Variants in DMD observed in about 807,000 individuals in gnomAD.
DMD encodes the protein mutant dystrophin.
DMD carries 63 observed loss-of-function variants against 330.1 expected under a neutral mutation model. That is an observed-to-expected ratio of 0.19 (90% confidence interval 0.16 to 0.24). The LOEUF is 0.24. Ranked by LOEUF, DMD falls within the 10% of genes least tolerant of loss-of-function variation. The pLI is 1.00. For missense variants in DMD, 3,344 were observed against 2,684.1 expected (o/e 1.25, Z -5.43); for synonymous variants, 1,223 against 959.8 (o/e 1.27, Z -5.07).
chrX:32,615,500 T>G (rs1203476131), intron 11 of DMD, among the ~76,000 whole-genome samples: 1 of 111,885 alleles, frequency 8.9e-6, no homozygotes, highest in Non-Finnish European at 1.9e-5. Context: ...AAATGAGAAG[T>G]GCTGATGGTT....
chrX:32,129,207 A>G (rs754769233), intron 44 of DMD, among the ~76,000 whole-genome samples: 1 of 112,108 alleles, frequency 8.9e-6, no homozygotes, highest in Non-Finnish European at 1.9e-5. Flanking sequence ...TGCAAATAAA[A>G]GTATATATAC....
intron 30 of DMD, among the ~76,000 whole-genome samples, chrX:32,409,406 A>G (rs985985131): frequency 1.8e-5 from 2 of 111,743 alleles, no homozygotes; most frequent in Non-Finnish European, 3.8e-5. Context: ...TGTAGTTAAT[A>G]ACATTTTTAT....
Position 32,976,207 on chromosome X carries a change from C to T in DMD, c.93+43932G>A, listed in dbSNP as rs780664355. Among the ~76,000 whole-genome samples the T allele has an allele frequency of 1.6e-4, 10 of 62,700 alleles. No homozygotes were observed. The East Asian group carries it at 4.8e-3, about 30-fold the overall frequency. The allele number at this position is 62,700 out of a possible 115,157, so 54.4% of individuals were successfully genotyped here. A position where few individuals can be genotyped will look rare whatever the true frequency, so the allele number is the denominator to read the frequency against. On this transcript the variant is annotated intron_variant, in intron 2 of 78. Coordinates refer to ENST00000357033, the MANE Select transcript of DMD (RefSeq NM_004006.3). ...CTGCACTCCAGCTTTGGTAATAGAA[C>T]GAGACTCGTCTCAAAAAAAAAAAAA...
intron 1 of DMD, among the ~76,000 whole-genome samples, chrX:33,291,348 G>C (rs746305042): frequency 9.0e-6 from 1 of 111,124 alleles, no homozygotes; most frequent in East Asian, 2.8e-4. Context: ...ACCCGCACAA[G>C]ACAAGGATGC....
chrX:32,695,490 C>T (rs920587586), intron 9 of DMD, among the ~76,000 whole-genome samples: 1 of 110,872 alleles, frequency 9.0e-6, no homozygotes, highest in Non-Finnish European at 1.9e-5. Context: ...AGGAGAGTAG[C>T]CTTGTTATAT....
chrX:32,888,585 T>C (rs2084894299), intron 2 of DMD, among the ~76,000 whole-genome samples: 1 of 111,479 alleles, frequency 9.0e-6, no homozygotes. Context: ...ACAGCCATTA[T>C]GGAAAACAGC....
intron 50 of DMD, among the ~76,000 whole-genome samples, chrX:31,788,595 C>G (rs1160001173): frequency 3.6e-5 from 4 of 111,197 alleles, no homozygotes; most frequent in African/African-American, 1.3e-4. Context: ...TCTATTTGAT[C>G]TAAAGCATAA....
intron 33 of DMD, among the ~76,000 whole-genome samples, chrX:32,383,612 G>A (rs2097939308): frequency 1.8e-5 from 2 of 110,273 alleles, no homozygotes; most frequent in South Asian, 7.4e-4. Flanking sequence ...ATAAATGTTT[G>A]GCCTATGTTT....
At chrX:32,906,046 G>A (rs1416760988) in intron 2 of DMD, among the ~76,000 whole-genome samples, 1 of 112,209 alleles carries the variant, frequency 8.9e-6, no homozygotes, top group Non-Finnish European at 1.9e-5. Flanking sequence ...CAGGAGCAAA[G>A]CACATTCCAG....
intron 59 of DMD, among the ~76,000 whole-genome samples, chrX:31,467,959 G>A (rs180975944): frequency 1.8e-5 from 2 of 111,943 alleles, no homozygotes; most frequent in East Asian, 5.6e-4. Flanking sequence ...GCGTAGAGGT[G>A]TTTATAGTAT....
intron 1 of DMD, among the ~76,000 whole-genome samples, chrX:33,074,658 G>A (rs752369941): frequency 9.0e-6 from 1 of 110,990 alleles, no homozygotes; most frequent in Admixed American, 9.7e-5. Flanking sequence ...AGAGAGACCT[G>A]AGCTAGCAAG....
At chrX:31,444,742 C>T (rs1238848951) in intron 59 of DMD, 115 bp from the exon 60 acceptor site, 37 of 834,410 alleles carry the variant, frequency 4.4e-5, no homozygotes, top group Non-Finnish European at 6.0e-5. Context: ...CTCTATGCTA[C>T]GGTTTGAATG....
At chrX:31,457,243 A>G (rs1279115228) in intron 59 of DMD, among the ~76,000 whole-genome samples, 1 of 111,648 alleles carries the variant, frequency 9.0e-6, no homozygotes, top group Non-Finnish European at 1.9e-5. Context: ...AACAATGGCC[A>G]GAAATAAGCT....
intron 9 of DMD, among the ~76,000 whole-genome samples, chrX:32,646,323 T>C (rs1334858838): frequency 2.7e-5 from 3 of 111,282 alleles, no homozygotes; most frequent in Non-Finnish European, 5.7e-5. Context: ...GTGTACTCCT[T>C]GCAGGTCGCC....
intron 27 of DMD, among the ~76,000 whole-genome samples, chrX:32,443,924 T>A (rs1339032958): frequency 9.0e-6 from 1 of 111,204 alleles, no homozygotes; most frequent in Non-Finnish European, 1.9e-5. Flanking sequence ...AAATACATGT[T>A]AAAATACAAA....
chrX:32,655,055 C>A (rs1440716516), intron 9 of DMD, among the ~76,000 whole-genome samples: 2 of 111,220 alleles, frequency 1.8e-5, no homozygotes, highest in Non-Finnish European at 3.8e-5. Flanking sequence ...ATTAGTCTTG[C>A]TAGCGATCTA....
chrX:31,207,527 A>G (rs906267896), intron 65 of DMD, among the ~76,000 whole-genome samples: 1 of 112,377 alleles, frequency 8.9e-6, no homozygotes, highest in Non-Finnish European at 1.9e-5. Context: ...GTACATATAC[A>G]CTATGGAATA....
intron 2 of DMD, among the ~76,000 whole-genome samples, chrX:32,972,086 C>T (rs1393938622): frequency 4.5e-5 from 5 of 111,703 alleles, no homozygotes; most frequent in Non-Finnish European, 7.5e-5. Context: ...ACAATACATC[C>T]GCACTTAGCA....
intron 16 of DMD, among the ~76,000 whole-genome samples, chrX:32,559,860 T>C (rs372037652): frequency 1.8e-5 from 2 of 111,658 alleles, no homozygotes; most frequent in Admixed American, 1.9e-4. Context: ...CATCAGGATA[T>C]AGATGATATA....
Sources: gnomAD v4.1 joint callset for allele counts (sites outside exome capture counted in the v4.1 genomes callset) on GRCh38, gnomAD v4.1.1 for gene constraint, MANE v1.5 for transcripts, NCBI Gene and HGNC (gene_info 2026-07-23, HGNC 2026-07-21) for gene names.